Variants in HLCS observed in about 807,000 individuals in gnomAD.
HLCS encodes the protein holocarboxylase synthetase.
HLCS carries 53 observed loss-of-function variants against 75.0 expected under a neutral mutation model. The ratio of observed to expected loss-of-function variants is 0.71; its 90% CI spans 0.57 to 0.89. HLCS has a LOEUF of 0.89. HLCS is among the 40% of genes least tolerant of loss of function. HLCS has a pLI of 0.00. For synonymous variants in HLCS, 431 were observed against 428.6 expected (o/e 1.01, Z -0.07); for missense variants, 966 against 1,074.0 (o/e 0.90, Z 1.41).
intron 2 of HLCS, among the ~76,000 whole-genome samples, chr21:36,954,231 G>A (rs1321313757): frequency 1.3e-5 from 2 of 152,052 alleles, no homozygotes; most frequent in East Asian, 1.9e-4. Context: ...ACTTGAACCC[G>A]GGAGGCAGAG....
chr21:36,831,452 G>A (rs1269739279), intron 6 of HLCS, among the ~76,000 whole-genome samples: 3 of 152,102 alleles, frequency 2.0e-5, no homozygotes, highest in African/African-American at 7.2e-5. Flanking sequence ...GGGCGAGGTG[G>A]GCAGATCACT....
Position 36,938,848 on chromosome 21 carries a change from T to G in HLCS, c.477A>C (p.Val159=), listed in dbSNP as rs779019472. 16 of 1,614,096 alleles carry G rather than the reference T, an allele frequency of 9.9e-6. No homozygotes were observed. Among genetic ancestry groups the G allele is most frequent in the Admixed American group, 3.3e-5 (2 of 60,014 alleles). ...EDRLHMDNGL[V]PQKIVSVHLQ... is the part of the protein sequence containing the mutation. Reference sequence around the variant, plus strand: ...GTTACTTACACACAATCTTTTGGGGTACCAGTCCATTATCCATGTGGAGTC... The same window carrying G: ...GTTACTTACACACAATCTTTTGGGGGACCAGTCCATTATCCATGTGGAGTC... Residue 159 remains valine, a synonymous_variant, in exon 3 of 11, where the codon GTA becomes GTC. Transcript: ENST00000674895.
intron 6 of HLCS, among the ~76,000 whole-genome samples, chr21:36,866,101 CT>C (rs1483071044): frequency 2.0e-5 from 3 of 151,360 alleles, no homozygotes; most frequent in African/African-American, 7.3e-5. Context: ...TGCTGTCTTA[CT>C]TTTGTGAGCG....
At chr21:36,848,822 T>G (rs2835491) in intron 6 of HLCS, among the ~76,000 whole-genome samples, 20,438 of 152,140 alleles carry the variant, frequency 0.13, 2,350 homozygotes, top group African/African-American at 0.3. Context: ...TACTGATTTT[T>G]ATTGCAATAT....
rs59642134 is a variant in HLCS, at chr21:36,903,183, G to A, written c.1621-6052C>T. Among the ~76,000 whole-genome samples the A allele has an allele frequency of 9.1e-3, 1,385 of 152,200 alleles. 12 individuals carry two copies. The highest frequency in any genetic ancestry group is 0.028 in the African/African-American group (1,163 of 41,506). The stretch of plus-strand genomic sequence containing the variant: ...GGTCCTATCACAGTACTAATTTTCG[G>A]TTTTCGGACTACAGAATACCAAGAT... On this transcript the variant is annotated intron_variant, in intron 5 of 10. Transcript: ENST00000674895.
Position 36,753,162 on chromosome 21 carries a change from G to GCACACACATATGCGGGCACACACA in HLCS, c.*1060_*1083dup, listed in dbSNP as rs2123549277. 6.5e-6 allele frequency: 1 copy of GCACACACATATGCGGGCACACACA among 152,726 alleles called. No homozygotes were observed. The highest frequency in any genetic ancestry group is 2.1e-4 in the South Asian group (1 of 4,826). 9.5% of individuals were successfully genotyped at this position (152,726 alleles called of 1,614,324 possible). Reference sequence around the variant, plus strand: ...TAAAGCTATGTGCGCACACACGCACGCACACACATATGCGGGCACACACAC... The same window carrying GCACACACATATGCGGGCACACACA: ...TAAAGCTATGTGCGCACACACGCACGCACACACATATGCGGGCACACACACACACACATATGCGGGCACACACAC... On this transcript the variant is annotated 3_prime_UTR_variant, in exon 11 of 11. Transcript: ENST00000674895. This position sits in a 1 kb window ranked among gnomAD's most constrained non-coding sequence, Gnocchi z 4.3.
rs1415231420 is a variant in HLCS, at chr21:36,866,884, C to T, written c.1892+29976G>A. Among the ~76,000 whole-genome samples, 4 of 150,930 alleles carry T rather than the reference C, an allele frequency of 2.7e-5. No individual in the cohort carries two copies. The South Asian group carries it at 6.3e-4, about 24-fold the overall frequency. ...AAGGTTCTGCTCTACTGAATCTATC[C>T]GATAATATTTCTCCAAAGAACTTTT... On this transcript the variant is annotated intron_variant, in intron 6 of 10. Coordinates refer to ENST00000674895, the MANE Select transcript of HLCS (RefSeq NM_001352514.2).
intron 6 of HLCS, among the ~76,000 whole-genome samples, chr21:36,817,304 T>C (rs2061692054): frequency 6.6e-6 from 1 of 152,250 alleles, no homozygotes; most frequent in Admixed American, 6.5e-5. Flanking sequence ...AATCGGTTTC[T>C]CTGTTCTTCC....
chr21:36,856,749 A>C (rs1055574180), intron 6 of HLCS, among the ~76,000 whole-genome samples: 3 of 152,206 alleles, frequency 2.0e-5, no homozygotes, highest in African/African-American at 7.2e-5. Flanking sequence ...AGAGAAAACC[A>C]CATCTAGGGA....
In HLCS at chr21:36,937,134, G is replaced by A; in HGVS notation, c.752C>T (p.Ser251Phe). 1 of 1,614,194 alleles carries A rather than the reference G, an allele frequency of 6.2e-7. No individual in the cohort carries two copies. The highest frequency in any genetic ancestry group is 8.5e-7 in the Non-Finnish European group (1 of 1,180,034). The change falls in exon 4 of 11, where the codon TCT becomes TTT. Residue 251 changes from serine (S) to phenylalanine (F), a missense_variant. Ser to Phe is a radical substitution (Grantham distance 155). Transcript: ENST00000674895. ...GPVEHYHLHL[S>F]SCHECLELEN... ...AAGTTCCAGACACTCGTGGCAACTAGACAGATGGAGGTGATAATGCTCAAC... is the reference window on the plus strand; with the variant it reads ...AAGTTCCAGACACTCGTGGCAACTAAACAGATGGAGGTGATAATGCTCAAC...
chr21:36,908,391 T>TA (rs58309194), intron 5 of HLCS, among the ~76,000 whole-genome samples: 47,526 of 141,946 alleles, frequency 0.33, 7,813 homozygotes, highest in Middle Eastern at 0.45. Context: ...TCCTGTCTCT[T>TA]AAAAAAAAAA....
intron 4 of HLCS, among the ~76,000 whole-genome samples, chr21:36,933,748 T>A (rs1357041959): frequency 1.3e-5 from 2 of 152,110 alleles, no homozygotes; most frequent in Non-Finnish European, 2.9e-5. Flanking sequence ...ATAAGTCAAG[T>A]TCTGTTCCCA....
intron 5 of HLCS, among the ~76,000 whole-genome samples, chr21:36,920,220 G>A (rs568415046): frequency 2.2e-4 from 34 of 151,866 alleles, no homozygotes; most frequent in Admixed American, 2.0e-3. Context: ...TGTAGTCCCC[G>A]CTGCTTGGGA....
chr21:36,954,833 C>G (rs375300301), intron 2 of HLCS, among the ~76,000 whole-genome samples: 3 of 151,942 alleles, frequency 2.0e-5, no homozygotes, highest in Non-Finnish European at 4.4e-5. Context: ...GAGGCCGAGG[C>G]GGGGGGATCA....
At chr21:36,839,465 C>T (rs570972637) in intron 6 of HLCS, among the ~76,000 whole-genome samples, 1 of 152,150 alleles carries the variant, frequency 6.6e-6, no homozygotes, top group Admixed American at 6.5e-5. Flanking sequence ...AACATAAGTA[C>T]GCTTTGCTCA....
intron 1 of HLCS, among the ~76,000 whole-genome samples, chr21:36,965,471 GATTA>G (rs148697956): frequency 1.3e-5 from 2 of 152,280 alleles, no homozygotes; most frequent in African/African-American, 2.4e-5. Context: ...TTTTTACAGA[GATTA>G]ATTGACTGGC....
Position 36,759,723 on chromosome 21 carries a change from T to C in HLCS, c.2236+4A>G. The C allele has an allele frequency of 6.5e-7, 1 of 1,546,518 alleles. No homozygotes were observed. Among genetic ancestry groups the C allele is most frequent in the Non-Finnish European group, 8.9e-7 (1 of 1,118,202 alleles). ...ATGCTGGGGGAAAGGTTTTTGAAAC[T>C]TACCAATAAGTATATAAAATGTTTC... On this transcript the variant is annotated splice_donor_region_variant and intron_variant, in intron 9 of 10. Transcript: ENST00000674895.
chr21:36,923,063 C>T (rs879655794), intron 5 of HLCS, among the ~76,000 whole-genome samples: 1 of 152,228 alleles, frequency 6.6e-6, no homozygotes, highest in Non-Finnish European at 1.5e-5. Context: ...CCGCACCCAC[C>T]GCCAGCTCTG....
intron 5 of HLCS, among the ~76,000 whole-genome samples, chr21:36,910,719 G>A (rs1304870834): frequency 1.3e-5 from 2 of 152,138 alleles, no homozygotes; most frequent in African/African-American, 4.8e-5. Context: ...GTGTCTGCGT[G>A]TGTGCACCTC....
Sources: allele counts gnomAD v4.1 joint callset (sites outside exome capture counted in the v4.1 genomes callset), GRCh38; gene constraint gnomAD v4.1.1; non-coding constraint Gnocchi (gnomAD v3.1); transcripts MANE v1.5; gene names NCBI Gene and HGNC (gene_info 2026-07-23, HGNC 2026-07-21).